The following IRAK1BP1 variants were observed in gnomAD, a reference collection of about 807,000 sequenced individuals.
The protein encoded by IRAK1BP1 is interleukin-1 receptor-associated kinase 1-binding protein 1.
Under a neutral mutation model 28.0 loss-of-function variants are expected in IRAK1BP1, and 24 were observed. The ratio of observed to expected loss-of-function variants is 0.86; its 90% CI spans 0.62 to 1.20. The LOEUF (loss-of-function observed/expected upper bound fraction) is 1.20. Ranked by LOEUF, IRAK1BP1 falls within the 50% of genes most tolerant of loss-of-function variation. IRAK1BP1 has a pLI of 0.00. For missense variants in IRAK1BP1, 336 were observed against 316.7 expected (o/e 1.06, Z -0.46); for synonymous variants, 131 against 116.3 (o/e 1.13, Z -0.81).
chr6:78,885,453 T>TATCTC lies in IRAK1BP1; in HGVS notation c.381+11_381+12insTCTCA, dbSNP rs2127646010. Reference sequence around the variant, plus strand: ...TCACATGGAAGCAGAGGTATGTACTTAACAAATAATTGGAAGCAGCATGAT... The same window carrying TATCTC: ...TCACATGGAAGCAGAGGTATGTACTTATCTCAACAAATAATTGGAAGCAGCATGAT... On this transcript the variant is annotated intron_variant, in intron 2 of 3. Transcript: ENST00000369940. 2 of 1,393,750 alleles carry TATCTC rather than the reference T, an allele frequency of 1.4e-6. No homozygotes were observed. The highest frequency in any genetic ancestry group is 2.0e-6 in the Non-Finnish European group (2 of 1,003,170). The allele number at this position is 1,393,750 out of a possible 1,614,324, so 86.3% of individuals were successfully genotyped here. A position where few individuals can be genotyped will look rare whatever the true frequency, so the allele number is the denominator to read the frequency against.
chr6:78,896,661 T>A (rs1771893280), intron 2 of IRAK1BP1, among the ~76,000 whole-genome samples: 1 of 151,956 alleles, frequency 6.6e-6, no homozygotes, highest in Non-Finnish European at 1.5e-5. Context: ...TATACCTTTT[T>A]CAAAAGTGAT....
At chr6:78,932,421 C>CTTTTTTTTTTTTTTTT in intron 4 of IRAK1BP1, among the ~76,000 whole-genome samples, 1 of 123,700 alleles carries the variant, frequency 8.1e-6, no homozygotes. Context: ...CTTTCTTTTT[C>CTTTTTTTTTTTTTTTT]TTTTTTTTTT....
intron 4 of IRAK1BP1, among the ~76,000 whole-genome samples, chr6:78,934,053 A>G (rs1773165515): frequency 6.6e-6 from 1 of 152,216 alleles, no homozygotes; most frequent in Non-Finnish European, 1.5e-5. Context: ...TTTAGAGGCC[A>G]CGGTAGGGTA....
chr6:78,882,117 G>T (rs1380130809), intron 1 of IRAK1BP1, among the ~76,000 whole-genome samples: 1 of 152,018 alleles, frequency 6.6e-6, no homozygotes, highest in East Asian at 1.9e-4. Flanking sequence ...TTCAGATCTT[G>T]GTTCTACATA....
chr6:78,963,349 T>A, the IRAK1BP1 span: 1 of 907,620 alleles, frequency 1.1e-6, no homozygotes, highest in Non-Finnish European at 1.6e-6. Flanking sequence ...AATTAAAGTA[T>A]ATTTTGTATA....
rs1402568581 is a variant in IRAK1BP1 at position 78,898,447 on chromosome 6, G to GATATATATATATATAT, written c.*113_*114insATATATATATATATAT. The GATATATATATATATAT allele has an allele frequency of 3.1e-5, 2 of 63,544 alleles. No homozygotes were observed. Among genetic ancestry groups the GATATATATATATATAT allele is most frequent in the Non-Finnish European group, 5.1e-5 (2 of 38,842 alleles). 3.9% of individuals were successfully genotyped at this position (63,544 alleles called of 1,614,324 possible). A position where few individuals can be genotyped will look rare whatever the true frequency, so the allele number is the denominator to read the frequency against. On this transcript the variant is annotated 3_prime_UTR_variant, in exon 4 of 4. Transcript: ENST00000369940. ...ATATATATATATATATATATATATG[G>GATATATATATATATAT]TATAGGAGATAAGCTATTTCTTTCC...
intron 4 of IRAK1BP1, among the ~76,000 whole-genome samples, chr6:78,922,357 G>C (rs186795780): frequency 8.5e-5 from 13 of 152,158 alleles, no homozygotes; most frequent in African/African-American, 3.1e-4. Context: ...AATGAAGAGA[G>C]AAGAGAAGTT....
At chr6:78,948,489 A>T (rs1773953849), downstream of IRAK1BP1, among the ~76,000 whole-genome samples, 1 of 152,064 alleles carries the variant, frequency 6.6e-6, no homozygotes, top group Non-Finnish European at 1.5e-5. Flanking sequence ...GCAGGGACAA[A>T]GAGTATTGTA....
At chr6:78,892,937 T>C (rs1164188140) in intron 2 of IRAK1BP1, among the ~76,000 whole-genome samples, 1 of 151,926 alleles carries the variant, frequency 6.6e-6, no homozygotes, top group Admixed American at 6.6e-5. Flanking sequence ...AAATAGCCTA[T>C]TATACATATA....
intron 4 of IRAK1BP1, chr6:78,936,334 G>C (rs1296120673): frequency 2.0e-5 from 3 of 151,796 alleles, no homozygotes; most frequent in African/African-American, 7.2e-5. Context: ...CCTGTGACAG[G>C]ATTTAAGTTT....
chr6:78,964,136 CA>C, the IRAK1BP1 span, among the ~76,000 whole-genome samples: 1 of 151,834 alleles, frequency 6.6e-6, no homozygotes. Context: ...ATGAGAGAAA[CA>C]AAACAAAAAC....
At chr6:78,948,382 C>G (rs190353678), downstream of IRAK1BP1, among the ~76,000 whole-genome samples, 287 of 152,078 alleles carry the variant, frequency 1.9e-3, no homozygotes, top group Non-Finnish European at 3.7e-3. Context: ...CAGATTGGAA[C>G]CAATAAAAAC....
exon 5 of IRAK1BP1, chr6:78,946,232 G>A: frequency 6.2e-7 from 1 of 1,613,220 alleles, no homozygotes; most frequent in East Asian, 2.2e-5. Flanking sequence ...TTTAGCTGGG[G>A]TTTTAAGATC....
At chr6:78,955,613 C>A in the IRAK1BP1 span, 1 of 936,492 alleles carries the variant, frequency 1.1e-6, no homozygotes, top group African/African-American at 1.6e-5. Flanking sequence ...TATTACATAC[C>A]TCAGAATCAG....
At chr6:78,904,101 T>C (rs1772196490), downstream of IRAK1BP1, among the ~76,000 whole-genome samples, 2 of 152,312 alleles carry the variant, frequency 1.3e-5, no homozygotes, top group South Asian at 4.1e-4. Context: ...ACCTGAACAT[T>C]GGTACACCTG....
chr6:78,875,135 T>G (rs1331004979), intron 1 of IRAK1BP1, among the ~76,000 whole-genome samples: 2 of 152,170 alleles, frequency 1.3e-5, no homozygotes, highest in African/African-American at 4.8e-5. Flanking sequence ...GGAAAAGTGC[T>G]CAGCATCACC....
At chr6:78,893,979 TAAC>T (rs1771790061) in intron 2 of IRAK1BP1, among the ~76,000 whole-genome samples, 1 of 152,088 alleles carries the variant, frequency 6.6e-6, no homozygotes, top group Non-Finnish European at 1.5e-5. Context: ...ATAAATTATA[TAAC>T]AACAATAGCA....
the IRAK1BP1 span, among the ~76,000 whole-genome samples, chr6:78,964,230 A>G: frequency 6.6e-6 from 1 of 152,198 alleles, no homozygotes; most frequent in South Asian, 2.1e-4. Context: ...AGATAAAAAA[A>G]AATATATTAT....
At chr6:78,959,314 T>C in the IRAK1BP1 span, among the ~76,000 whole-genome samples, 1 of 152,088 alleles carries the variant, frequency 6.6e-6, no homozygotes, top group African/African-American at 2.4e-5. Flanking sequence ...TACAATCATA[T>C]GGAATAACAC....
Sources: gnomAD v4.1 joint callset for allele counts (sites outside exome capture counted in the v4.1 genomes callset) on GRCh38, gnomAD v4.1.1 for gene constraint, MANE v1.5 for transcripts, NCBI Gene and HGNC (gene_info 2026-07-23, HGNC 2026-07-21) for gene names.